The following VAPB variants were observed in gnomAD, a reference collection of about 807,000 sequenced individuals.
VAPB encodes the protein vesicle-associated membrane protein-associated protein B/C.
A neutral mutation model predicts 25.6 loss-of-function variants in VAPB; 7 were observed. That is an observed-to-expected ratio of 0.27 (90% confidence interval 0.16 to 0.51). The LOEUF (loss-of-function observed/expected upper bound fraction) is 0.51. VAPB is among the 20% of genes least tolerant of loss of function. The pLI is 0.97. For missense variants in VAPB, 266 were observed against 301.3 expected (o/e 0.88, Z 0.87); for synonymous variants, 112 against 109.2 (o/e 1.03, Z -0.16).
Position 58,444,622 on chromosome 20 carries a change from G to A in VAPB, c.*387G>A, listed in dbSNP as rs1310428945. 2.2e-6 allele frequency: 1 copy of A among 455,440 alleles called. No individual in the cohort carries two copies. Among genetic ancestry groups the A allele is most frequent in the African/African-American group, 2.0e-5 (1 of 50,064 alleles). The allele number at this position is 455,440 out of a possible 1,614,324, so 28.2% of individuals were successfully genotyped here. On this transcript the variant is annotated 3_prime_UTR_variant, in exon 6 of 6. Coordinates refer to ENST00000475243, the MANE Select transcript of VAPB (RefSeq NM_004738.5). ...TGTTGGTGCTGGCCCTTGGGGAGCT[G>A]GAGCCCAGCATGCTGGGGAGTGCGG... is the stretch of plus-strand genomic sequence containing the variant.
Position 58,445,646 on chromosome 20 carries a change from G to A in VAPB, c.*1411G>A. ...CATTGGAAGGTTAACTTTAAAATGA[G>A]CCCTATCACTGAGAAATACGTGTTT... On this transcript the variant is annotated 3_prime_UTR_variant, in exon 6 of 6. Coordinates refer to ENST00000475243, the MANE Select transcript of VAPB (RefSeq NM_004738.5). 4.4e-6 allele frequency: 2 copies of A among 453,910 alleles called. No homozygotes were observed. Among genetic ancestry groups the A allele is most frequent in the Non-Finnish European group, 8.8e-6 (2 of 226,726 alleles). The allele number at this position is 453,910 out of a possible 1,614,324, so 28.1% of individuals were successfully genotyped here. A position where few individuals can be genotyped will look rare whatever the true frequency, so the allele number is the denominator to read the frequency against.
rs1485382622 is a variant in VAPB, at chr20:58,441,098, T to G, written c.573+15T>G. 6.2e-7 allele frequency: 1 copy of G among 1,613,032 alleles called. No individual in the cohort carries two copies. Among genetic ancestry groups the G allele is most frequent in the Non-Finnish European group, 8.5e-7 (1 of 1,179,474 alleles). The stretch of plus-strand genomic sequence containing the variant: ...AGCAGTTCAAGGTAATAGTTTATTT[T>G]CTGGTAATCTACAGAAAACAAGGGC... On this transcript the variant is annotated intron_variant, in intron 5 of 5. Transcript: ENST00000475243.
chr20:58,416,773 T>C (rs200246865), intron 1 of VAPB, among the ~76,000 whole-genome samples: 3 of 151,818 alleles, frequency 2.0e-5, no homozygotes, highest in Non-Finnish European at 4.4e-5. Context: ...TTTTTTTTTT[T>C]CCATGCCCGG....
chr20:58,401,144 T>A (rs901135873), intron 1 of VAPB, among the ~76,000 whole-genome samples: 1 of 152,234 alleles, frequency 6.6e-6, no homozygotes, highest in African/African-American at 2.4e-5. Flanking sequence ...TCTTTTTATT[T>A]ATTATTATTT....
intron 1 of VAPB, among the ~76,000 whole-genome samples, chr20:58,414,514 G>GCCCCGTCTGAGGA: frequency 6.6e-6 from 1 of 151,722 alleles, no homozygotes; most frequent in Non-Finnish European, 1.5e-5. Flanking sequence ...CAGACGGGGC[G>GCCCCGTCTGAGGA]GTGGGGCAGA....
rs1174378382 is a variant in VAPB, at chr20:58,447,202, A to C, written c.*2967A>C. The stretch of plus-strand genomic sequence containing the variant: ...ATGGAAGCGGTGACAGAATCCTGAA[A>C]GTTTTTATTGATTGAAGTTTTAAAT... On this transcript the variant is annotated 3_prime_UTR_variant, in exon 6 of 6. Transcript: ENST00000475243. 2 of 454,022 alleles carry C rather than the reference A, an allele frequency of 4.4e-6. No individual in the cohort carries two copies. The highest frequency in any genetic ancestry group is 2.3e-5 in the Admixed American group (1 of 42,572). The allele number at this position is 454,022 out of a possible 1,614,324, so 28.1% of individuals were successfully genotyped here. A position where few individuals can be genotyped will look rare whatever the true frequency, so the allele number is the denominator to read the frequency against.
intron 2 of VAPB, 27 bp downstream of exon 2, chr20:58,418,390 G>T (rs1321394143): frequency 3.1e-6 from 5 of 1,612,928 alleles, no homozygotes; most frequent in East Asian, 4.5e-5. Flanking sequence ...GAGGCCTAGA[G>T]GGTGGGCTCA....
At chr20:58,427,171 A>G (rs1437274093) in intron 2 of VAPB, among the ~76,000 whole-genome samples, 2 of 152,002 alleles carry the variant, frequency 1.3e-5, no homozygotes, top group African/African-American at 4.8e-5. Flanking sequence ...GATGCAGACG[A>G]AAGTGATCTG....
intron 1 of VAPB, among the ~76,000 whole-genome samples, chr20:58,417,884 A>G (rs1988579513): frequency 6.6e-6 from 1 of 152,216 alleles, no homozygotes; most frequent in Non-Finnish European, 1.5e-5. Flanking sequence ...TACCACTATC[A>G]TGAAAACTTG....
At position 58,449,512 on chromosome 20, in the gene VAPB, G is replaced by A. The variant is rs776349898; in HGVS notation, c.*5277G>A. The A allele has an allele frequency of 8.8e-6, 4 of 453,866 alleles. No homozygotes were observed. The highest frequency in any genetic ancestry group is 4.7e-5 in the South Asian group (3 of 64,404). 28.1% of individuals were successfully genotyped at this position (453,866 alleles called of 1,614,324 possible). A position where few individuals can be genotyped will look rare whatever the true frequency, so the allele number is the denominator to read the frequency against. The stretch of plus-strand genomic sequence containing the variant: ...TTAAATCCGTAGAAAAGGAAGAAAA[G>A]TGTAGCAACAAAAATGTAGCCATTA... On this transcript the variant is annotated 3_prime_UTR_variant, in exon 6 of 6. Transcript: ENST00000475243.
At position 58,447,470 on chromosome 20, in the gene VAPB, G is replaced by A. The variant is rs1568724433; in HGVS notation, c.*3235G>A. The stretch of plus-strand genomic sequence containing the variant: ...TTATACCTCCATAACACAGAAGGGG[G>A]AAAAATGAAGAACCTCCAGTGATCC... On this transcript the variant is annotated 3_prime_UTR_variant, in exon 6 of 6. Coordinates refer to ENST00000475243, the MANE Select transcript of VAPB (RefSeq NM_004738.5). The A allele has an allele frequency of 1.1e-5, 5 of 453,932 alleles. No homozygotes were observed. The highest frequency in any genetic ancestry group is 2.0e-5 in the African/African-American group (1 of 49,974). The allele number at this position is 453,932 out of a possible 1,614,324, so 28.1% of individuals were successfully genotyped here.
At chr20:58,406,810 T>C (rs1054170223) in intron 1 of VAPB, among the ~76,000 whole-genome samples, 4 of 152,228 alleles carry the variant, frequency 2.6e-5, no homozygotes, top group South Asian at 2.1e-4. Flanking sequence ...GAGCATATTA[T>C]CTGTCTTGAC....
chr20:58,394,110 TTAGA>T (rs1987887597), intron 1 of VAPB, among the ~76,000 whole-genome samples: 1 of 152,222 alleles, frequency 6.6e-6, no homozygotes, highest in African/African-American at 2.4e-5. Flanking sequence ...TCAAGAAGTC[TTAGA>T]TAGTCCTGCC....
In VAPB at chr20:58,449,375, G is replaced by T. The variant is rs1164981663; in HGVS notation, c.*5140G>T. On this transcript the variant is annotated 3_prime_UTR_variant, in exon 6 of 6. Coordinates refer to ENST00000475243, the MANE Select transcript of VAPB (RefSeq NM_004738.5). ...ACATGAACTCACATAAACAGTTATG[G>T]ATGATAGTTAAAAGAGAAACGGGTG... is the stretch of plus-strand genomic sequence containing the variant. 2 of 453,618 alleles carry T rather than the reference G, an allele frequency of 4.4e-6. No individual in the cohort carries two copies. The highest frequency in any genetic ancestry group is 4.7e-5 in the Admixed American group (2 of 42,494). The allele number at this position is 453,618 out of a possible 1,614,324, so 28.1% of individuals were successfully genotyped here.
chr20:58,391,261 T>A (rs150498387), intron 1 of VAPB, among the ~76,000 whole-genome samples: 228 of 152,218 alleles, frequency 1.5e-3, no homozygotes, highest in African/African-American at 5.1e-3. Context: ...TCAGCTGTAC[T>A]CTCCTATTTT....
At chr20:58,398,451 TCA>T (rs1483413030) in intron 1 of VAPB, among the ~76,000 whole-genome samples, 2 of 152,222 alleles carry the variant, frequency 1.3e-5, no homozygotes, top group African/African-American at 4.8e-5. Context: ...GAGATTTGGT[TCA>T]GTTACCACAT....
chr20:58,414,217 C>T (rs560608634), intron 1 of VAPB, among the ~76,000 whole-genome samples: 1,430 of 133,290 alleles, frequency 0.011, 44 homozygotes, highest in African/African-American at 0.038. Context: ...GCTGGCCGGG[C>T]GGGGGGCTGA....
intron 2 of VAPB, among the ~76,000 whole-genome samples, chr20:58,424,796 CTG>C (rs1988750930): frequency 6.6e-6 from 1 of 152,328 alleles, no homozygotes; most frequent in South Asian, 2.1e-4. Context: ...ATTAATCAGA[CTG>C]TGAGGAGTTT....
intron 2 of VAPB, among the ~76,000 whole-genome samples, chr20:58,427,725 G>A (rs930263882): frequency 6.6e-6 from 1 of 150,554 alleles, no homozygotes; most frequent in Non-Finnish European, 1.5e-5. Flanking sequence ...CCATTATGAT[G>A]CAGGCAGAAG....
Sources: allele counts gnomAD v4.1 joint callset (sites outside exome capture counted in the v4.1 genomes callset), GRCh38; gene constraint gnomAD v4.1.1; transcripts MANE v1.5; gene names NCBI Gene and HGNC (gene_info 2026-07-23, HGNC 2026-07-21).